The following PCDHA11 variants were observed in gnomAD, a reference collection of about 807,000 sequenced individuals.
PCDHA11 encodes protocadherin alpha 11.
In PCDHA11, 61 loss-of-function variants were observed where a neutral mutation model predicts 70.3. That is an observed-to-expected ratio of 0.87 (90% CI 0.71 to 1.07). PCDHA11 has a LOEUF of 1.07. Ranked by LOEUF, PCDHA11 falls within the 50% of genes least tolerant of loss-of-function variation. The pLI is 0.00. For synonymous variants in PCDHA11, 633 were observed against 555.1 expected, an observed-to-expected ratio of 1.14 and a Z score of -1.97; for missense variants, 1,324 against 1,237.5, an observed-to-expected ratio of 1.07 and a Z score of -1.05.
chr5:140,967,057 AGC>A, intron 1 of PCDHA11: 1 of 1,612,704 alleles, frequency 6.2e-7, no homozygotes, highest in Non-Finnish European at 8.5e-7. Context: ...TGACGAGTGG[AGC>A]GCTCTTCGTC....
intron 1 of PCDHA11, among the ~76,000 whole-genome samples, chr5:140,977,853 C>T (rs2096777992): frequency 6.6e-6 from 1 of 152,212 alleles, no homozygotes; most frequent in Admixed American, 6.5e-5. Context: ...GGCTTTGTTT[C>T]TACCAAATAT....
chr5:140,998,491 A>G (rs994652769), intron 3 of PCDHA11, among the ~76,000 whole-genome samples: 15 of 152,288 alleles, frequency 9.8e-5, no homozygotes, highest in African/African-American at 3.1e-4. Flanking sequence ...TAACTCTTTG[A>G]GAACAGGGTA....
intron 3 of PCDHA11, among the ~76,000 whole-genome samples, chr5:140,989,272 T>C (rs1554250681): frequency 6.6e-6 from 1 of 152,204 alleles, no homozygotes. Flanking sequence ...AAGTTTCTGC[T>C]GGGGACATCT....
intron 1 of PCDHA11, among the ~76,000 whole-genome samples, chr5:140,964,075 AT>A (rs1277799626): frequency 9.2e-5 from 14 of 152,324 alleles, no homozygotes; most frequent in African/African-American, 3.1e-4. Flanking sequence ...TAGTGTTAAT[AT>A]TTGTAGAAAG....
At chr5:140,882,854 C>G in intron 1 of PCDHA11, 2 of 1,614,196 alleles carry the variant, frequency 1.2e-6, no homozygotes, top group Non-Finnish European at 1.7e-6. Flanking sequence ...ATCACTTGTA[C>G]TGAGGAAAAC....
Position 141,010,120 on chromosome 5 carries a change from C to T in PCDHA11, c.*183C>T, listed in dbSNP as rs1554262685. 6.2e-7 allele frequency: 1 copy of T among 1,607,404 alleles called. No homozygotes were observed. Among genetic ancestry groups the T allele is most frequent in the Admixed American group, 1.7e-5 (1 of 58,482 alleles). ...AACAGGTTTTGTCGTAAAAGCTTTACTAAGTCTGGTGTTAACTCTTTCTCT... is the reference window on the plus strand; with the variant it reads ...AACAGGTTTTGTCGTAAAAGCTTTATTAAGTCTGGTGTTAACTCTTTCTCT... On this transcript the variant is annotated 3_prime_UTR_variant, in exon 4 of 4. Coordinates refer to ENST00000398640, the MANE Select transcript of PCDHA11 (RefSeq NM_018902.5).
In PCDHA11 at chr5:140,982,463, G is replaced by A. The variant is rs781833977; in HGVS notation, c.2451-12G>A. 1 of 1,614,060 alleles carries A rather than the reference G, an allele frequency of 6.2e-7. No individual in the cohort carries two copies. The highest frequency in any genetic ancestry group is 1.3e-5 in the African/African-American group (1 of 74,928). On this transcript the variant is annotated splice_polypyrimidine_tract_variant and intron_variant, in intron 2 of 3. Coordinates refer to ENST00000398640, the MANE Select transcript of PCDHA11 (RefSeq NM_018902.5). ...TGATCTAACCGTTATCTGGGTCTGT[G>A]TGTTTATTCAGCTCTGTGCACCTAG...
At chr5:140,892,624 A>C (rs1041078923) in intron 1 of PCDHA11, among the ~76,000 whole-genome samples, 28 of 152,166 alleles carry the variant, frequency 1.8e-4, no homozygotes, top group Non-Finnish European at 3.2e-4. Flanking sequence ...CAGTTGGTAC[A>C]TAATAATTGT....
intron 3 of PCDHA11, among the ~76,000 whole-genome samples, chr5:141,000,339 ATC>A (rs1414297743): frequency 2.0e-5 from 2 of 102,334 alleles, no homozygotes; most frequent in Admixed American, 1.0e-4. Context: ...GCAAGGCCCT[ATC>A]TCTCTCTCTG....
intron 1 of PCDHA11, among the ~76,000 whole-genome samples, chr5:140,960,750 A>C (rs1367583531): frequency 6.6e-6 from 1 of 152,048 alleles, no homozygotes; most frequent in African/African-American, 2.4e-5. Context: ...CATGGCTAAA[A>C]TCCCAAGAGT....
intron 1 of PCDHA11, among the ~76,000 whole-genome samples, chr5:140,918,864 A>T (rs1225688566): frequency 6.6e-6 from 1 of 152,180 alleles, no homozygotes; most frequent in Non-Finnish European, 1.5e-5. Flanking sequence ...TGAATCATGA[A>T]CTTTCAAGCC....
Position 140,871,306 on chromosome 5 carries a change from AAGCCCAC to A in PCDHA11, c.2204_2210del (p.Lys735SerfsTer41). 1 of 1,613,964 alleles carries A rather than the reference AAGCCCAC, an allele frequency of 6.2e-7. No individual in the cohort carries two copies. Among genetic ancestry groups the A allele is most frequent in the East Asian group, 2.2e-5 (1 of 44,870 alleles). Reference sequence around the variant, plus strand: ...CACTGAGGGCGCGTGCGCGCCGGGGAAGCCCACGCTGGTGTGCTCCCGCGCGGTGGGG... The same window carrying A: ...CACTGAGGGCGCGTGCGCGCCGGGGAGCTGGTGTGCTCCCGCGCGGTGGGG... On this transcript the variant is annotated frameshift_variant, in exon 1 of 4. Coordinates refer to ENST00000398640, the MANE Select transcript of PCDHA11 (RefSeq NM_018902.5). LOFTEE classifies it high-confidence loss of function.
At chr5:140,934,312 A>G (rs2089755727) in intron 1 of PCDHA11, among the ~76,000 whole-genome samples, 1 of 152,108 alleles carries the variant, frequency 6.6e-6, no homozygotes, top group South Asian at 2.1e-4. Context: ...CTTACTGCAA[A>G]TGTCCAATCA....
chr5:140,876,063 G>T (rs1404065760), intron 1 of PCDHA11: 1 of 1,613,860 alleles, frequency 6.2e-7, no homozygotes, highest in East Asian at 2.2e-5. Flanking sequence ...TAGTTCTTCG[G>T]AAGTTATTGG....
chr5:140,931,579 A>G (rs1464146269), intron 1 of PCDHA11, among the ~76,000 whole-genome samples: 2 of 152,102 alleles, frequency 1.3e-5, no homozygotes, highest in Non-Finnish European at 2.9e-5. Flanking sequence ...CCATTCATTC[A>G]GTTGAACAGT....
rs532609088 is a variant in PCDHA11, at chr5:140,890,699, T to A, written c.2391+19205T>A. 2.6e-5 allele frequency among the ~76,000 whole-genome samples: 4 copies of A among 152,312 alleles called. No homozygotes were observed. In the East Asian group the frequency reaches 7.7e-4, roughly 29 times the overall value. On this transcript the variant is annotated intron_variant, in intron 1 of 3. Transcript: ENST00000398640. ...CTCCTTCTGGGAAATGCAGGGACCT[T>A]ACATTTTTAAAATCTTTTTAATCCC... is the stretch of plus-strand genomic sequence containing the variant.
At chr5:140,916,279 C>T (rs2077510203) in intron 1 of PCDHA11, among the ~76,000 whole-genome samples, 1 of 152,228 alleles carries the variant, frequency 6.6e-6, no homozygotes, top group Admixed American at 6.5e-5. Context: ...TGTTGCTCTA[C>T]TCCACGTGGC....
chr5:140,969,251 A>G, intron 1 of PCDHA11: 1 of 1,614,262 alleles, frequency 6.2e-7, no homozygotes, highest in South Asian at 1.1e-5. Flanking sequence ...AGTGACTGAC[A>G]GCAGGAATCT....
intron 1 of PCDHA11, chr5:140,967,136 C>T (rs782698899): frequency 6.8e-6 from 11 of 1,611,568 alleles, no homozygotes; most frequent in Non-Finnish European, 9.3e-6. Context: ...CTTGGAAGTG[C>T]TGGCGCACAA....
Sources: gnomAD v4.1 joint callset for allele counts (sites outside exome capture counted in the v4.1 genomes callset) on GRCh38, gnomAD v4.1.1 for gene constraint, MANE v1.5 for transcripts, NCBI Gene and HGNC (gene_info 2026-07-23, HGNC 2026-07-21) for gene names.